The following PCDHGB2 variants were observed in gnomAD, a reference collection of about 807,000 sequenced individuals.
The protein encoded by PCDHGB2 is protocadherin gamma subfamily B, 2.
In PCDHGB2, 55 loss-of-function variants were observed where a neutral mutation model predicts 59.3. The ratio of observed to expected loss-of-function variants is 0.93; its 90% CI spans 0.75 to 1.16. The LOEUF (loss-of-function observed/expected upper bound fraction) is 1.16. Ranked by LOEUF, PCDHGB2 falls within the 50% of genes most tolerant of loss-of-function variation. PCDHGB2 has a pLI of 0.00. For synonymous variants in PCDHGB2, 516 were observed against 512.0 expected (o/e 1.01, Z -0.11); for missense variants, 1,228 against 1,198.5 (o/e 1.02, Z -0.36).
At position 141,428,173 on chromosome 5, in the gene PCDHGB2, C is replaced by T. The variant is rs192741775; in HGVS notation, c.2421+65617C>T. The T allele has an allele frequency of 3.3e-6, 5 of 1,514,730 alleles. No homozygotes were observed. In the East Asian group the frequency reaches 9.1e-5, roughly 28 times the overall value. 93.8% of individuals were successfully genotyped at this position (1,514,730 alleles called of 1,614,324 possible). A position where few individuals can be genotyped will look rare whatever the true frequency, so the allele number is the denominator to read the frequency against. On this transcript the variant is annotated intron_variant, in intron 1 of 3. Transcript: ENST00000522605. ...GGAACCTGCTGGTTGCTGTGCGTGA[C>T]GGAGGACAGCCGCCGCTCTCTGCGC... is the stretch of plus-strand genomic sequence containing the variant.
At chr5:141,499,025 G>A (rs561539084) in intron 2 of PCDHGB2, among the ~76,000 whole-genome samples, 4 of 140,712 alleles carry the variant, frequency 2.8e-5, no homozygotes, top group Admixed American at 1.4e-4. Context: ...AGGAAGGAAG[G>A]AAGAAAAGAA....
At chr5:141,366,041 G>C in intron 1 of PCDHGB2, 1 of 1,614,232 alleles carries the variant, frequency 6.2e-7, no homozygotes, top group Non-Finnish European at 8.5e-7. Flanking sequence ...CCCCACAGAC[G>C]GTTCCACGGG....
intron 1 of PCDHGB2, chr5:141,394,779 G>A (rs1561651112): frequency 6.2e-7 from 1 of 1,613,590 alleles, no homozygotes; most frequent in Admixed American, 1.7e-5. Context: ...CCCTCTCTCC[G>A]CCACTGTCAC....
chr5:141,361,157 A>T lies in PCDHGB2; in HGVS notation c.1022A>T (p.Asn341Ile). Residue 341 changes from asparagine to isoleucine, a missense_variant, in exon 1 of 4, where the codon AAC (asparagine) becomes ATC (isoleucine). This residue lies in a region of PCDHGB2 where 781 missense variants were observed against 721.6 expected (regional missense o/e 1.08). Transcript: ENST00000522605. ...ATCCAAGTTGAAATTCTTGATGACA[A>T]CGATTGTGCACCTGAAGTTATTGTG... is the stretch of plus-strand genomic sequence containing the variant. ...CSIQVEILDD[N>I]DCAPEVIVTS... is the part of the protein sequence containing the mutation. The T allele has an allele frequency of 1.2e-6, 2 of 1,613,974 alleles. No individual in the cohort carries two copies. Among genetic ancestry groups the T allele is most frequent in the Non-Finnish European group, 1.7e-6 (2 of 1,179,892 alleles).
At position 141,512,047 on chromosome 5, in the gene PCDHGB2, C is replaced by T. The variant is rs1183612907; in HGVS notation, c.*874C>T. 1 of 152,722 alleles carries T rather than the reference C, an allele frequency of 6.5e-6. No individual in the cohort carries two copies. The highest frequency in any genetic ancestry group is 1.5e-5 in the Non-Finnish European group (1 of 68,120). The allele number at this position is 152,722 out of a possible 1,614,324, so 9.5% of individuals were successfully genotyped here. A position where few individuals can be genotyped will look rare whatever the true frequency, so the allele number is the denominator to read the frequency against. On this transcript the variant is annotated 3_prime_UTR_variant, in exon 4 of 4. Coordinates refer to ENST00000522605, the MANE Select transcript of PCDHGB2 (RefSeq NM_018923.3). The stretch of plus-strand genomic sequence containing the variant: ...CCTTGGAGGAGGCTCTGTATGTCCT[C>T]AGGGGACTGACAACATCCTCCAGAT...
At chr5:141,402,398 ATTG>A (rs1159125909) in intron 1 of PCDHGB2, among the ~76,000 whole-genome samples, 19 of 152,216 alleles carry the variant, frequency 1.2e-4, no homozygotes, top group African/African-American at 4.6e-4. Context: ...ACTTCAGAAA[ATTG>A]TTAAGATACA....
At position 141,432,395 on chromosome 5, in the gene PCDHGB2, G is replaced by T. The variant is rs748660079; in HGVS notation, c.2422-62412G>T. On this transcript the variant is annotated intron_variant, in intron 1 of 3. Coordinates refer to ENST00000522605, the MANE Select transcript of PCDHGB2 (RefSeq NM_018923.3). This position sits in a 1 kb window ranked among gnomAD's most constrained non-coding sequence, Gnocchi z 6.0. ...CGGGCACCCGCCCCTCAGCAGCAAC[G>T]TGTCGTTGAGCCTGTTCGTGCTGGA... 5 of 1,614,242 alleles carry T rather than the reference G, an allele frequency of 3.1e-6. No individual in the cohort carries two copies. In the East Asian group the frequency reaches 8.9e-5, roughly 29 times the overall value.
intron 1 of PCDHGB2, chr5:141,492,073 G>C (rs2099736846): frequency 6.2e-6 from 3 of 480,898 alleles, no homozygotes; most frequent in Non-Finnish European, 1.1e-5. Flanking sequence ...CCTAGGCGCC[G>C]GCTCCGGCAC....
intron 1 of PCDHGB2, chr5:141,378,709 C>T (rs1358072601): frequency 6.6e-6 from 1 of 152,094 alleles, no homozygotes; most frequent in Non-Finnish European, 1.5e-5. Context: ...ATAAGGCTTT[C>T]ATCATATAGG....
rs57426385 is a variant in PCDHGB2 at position 141,415,740 on chromosome 5, G to GTTTTTTTTTTTTTT, written c.2421+53203_2421+53216dup. 1.9e-4 allele frequency: 117 copies of GTTTTTTTTTTTTTT among 625,018 alleles called. 7 individuals are homozygous for GTTTTTTTTTTTTTT. Among genetic ancestry groups the GTTTTTTTTTTTTTT allele is most frequent in the African/African-American group, 5.0e-4 (20 of 39,930 alleles). 38.7% of individuals were successfully genotyped at this position (625,018 alleles called of 1,614,324 possible). A position where few individuals can be genotyped will look rare whatever the true frequency, so the allele number is the denominator to read the frequency against. On this transcript the variant is annotated intron_variant, in intron 1 of 3. Coordinates refer to ENST00000522605, the MANE Select transcript of PCDHGB2 (RefSeq NM_018923.3). ...TGAGTAGAATTTGATGTTTATTAAGGTTTTTTTTTTTTTTTTTTTTTTTTT... is the reference window on the plus strand; with the variant it reads ...TGAGTAGAATTTGATGTTTATTAAGGTTTTTTTTTTTTTTTTTTTTTTTTTTTTTTTTTTTTTTT...
chr5:141,398,175 G>C, intron 1 of PCDHGB2: 1 of 1,475,074 alleles, frequency 6.8e-7, no homozygotes, highest in Non-Finnish European at 9.0e-7. Flanking sequence ...GGCTGCCAGT[G>C]CTCTTTCTCT....
intron 1 of PCDHGB2, chr5:141,387,801 C>A: frequency 6.6e-7 from 1 of 1,509,314 alleles, no homozygotes; most frequent in Non-Finnish European, 8.9e-7. Flanking sequence ...AAAGTCCGTT[C>A]GGAGATCCAA....
chr5:141,399,991 G>C, intron 1 of PCDHGB2: 1 of 1,612,422 alleles, frequency 6.2e-7, no homozygotes, highest in Non-Finnish European at 8.5e-7. Context: ...CACAGGAGAG[G>C]TGCGCACAGC....
intron 1 of PCDHGB2, chr5:141,415,762 T>TTTTG: frequency 2.1e-6 from 3 of 1,399,986 alleles, no homozygotes; most frequent in Non-Finnish European, 2.8e-6. Flanking sequence ...TTTTTTTTTT[T>TTTTG]TTTTTTTTTT....
rs1031624761 is a variant in PCDHGB2 at position 141,433,138 on chromosome 5, G to A, written c.2422-61669G>A. The A allele has an allele frequency of 2.5e-6, 4 of 1,614,038 alleles. No individual in the cohort carries two copies. In the Admixed American group the frequency reaches 6.7e-5, roughly 27 times the overall value. On this transcript the variant is annotated intron_variant, in intron 1 of 3. Coordinates refer to ENST00000522605, the MANE Select transcript of PCDHGB2 (RefSeq NM_018923.3). ...TTGAAAAAAGCGAGCCCCTTTTGCT[G>A]TCAGGTGATTCGGTATTTTCTAAAG...
chr5:141,478,692 A>C (rs1459911657), intron 1 of PCDHGB2: 2 of 1,550,666 alleles, frequency 1.3e-6, no homozygotes, highest in African/African-American at 2.7e-5. Context: ...CCTAGATCAA[A>C]GTTAGTGCCT....
rs149653507 is a variant in PCDHGB2 at position 141,469,869 on chromosome 5, G to A, written c.2422-24938G>A. Among the ~76,000 whole-genome samples, 591 of 152,290 alleles carry A rather than the reference G, an allele frequency of 3.9e-3. 6 individuals are homozygous for A. Among genetic ancestry groups the A allele is most frequent in the Admixed American group, 0.011 (171 of 15,304 alleles). On this transcript the variant is annotated intron_variant, in intron 1 of 3. Transcript: ENST00000522605. ...ATTCAGACCGGGTGCAATGGCTCACGCCTGTAATCTCGGCACTTTGGGAAG... is the reference window on the plus strand; with the variant it reads ...ATTCAGACCGGGTGCAATGGCTCACACCTGTAATCTCGGCACTTTGGGAAG...
At chr5:141,403,099 C>G in intron 1 of PCDHGB2, 5 of 1,614,056 alleles carry the variant, frequency 3.1e-6, no homozygotes, top group Non-Finnish European at 4.2e-6. Context: ...GCAACATCTC[C>G]AAGGACCTGG....
At chr5:141,371,561 C>G (rs2240697) in intron 1 of PCDHGB2, 742,014 of 1,613,358 alleles carry the variant, frequency 0.46, 178,763 homozygotes, top group African/African-American at 0.84. Flanking sequence ...TAAAAGGAAA[C>G]TTCCCCTTTA....
Sources: gnomAD v4.1 joint callset for allele counts (sites outside exome capture counted in the v4.1 genomes callset) on GRCh38, gnomAD v4.1.1 for gene constraint, gnomAD v4.1.1 regional missense constraint, Gnocchi (gnomAD v3.1) non-coding constraint, MANE v1.5 for transcripts, NCBI Gene and HGNC (gene_info 2026-07-23, HGNC 2026-07-21) for gene names.